The following SYT17 variants were observed in gnomAD, a reference collection of about 807,000 sequenced individuals.
SYT17 encodes the protein synaptotagmin-17.
Under a neutral mutation model 46.7 loss-of-function variants are expected in SYT17, and 22 were observed. That is an observed-to-expected ratio of 0.47 (90% confidence interval 0.34 to 0.67). SYT17 has a LOEUF of 0.67. Ranked by LOEUF, SYT17 falls within the 30% of genes least tolerant of loss-of-function variation. The pLI is 0.01. For missense variants in SYT17, 519 were observed against 612.8 expected, an observed-to-expected ratio of 0.85 and a Z score of 1.62; for synonymous variants, 251 against 248.4, an observed-to-expected ratio of 1.01 and a Z score of -0.10.
At position 19,214,573 on chromosome 16, in the gene SYT17, C is replaced by A. The variant is rs111977275; in HGVS notation, c.952-8472C>A. ...TGAGAAGATGCTGGCTCCAGGAACA[C>A]CCCAGGGACATTTTTGTCCCTAGAT... On this transcript the variant is annotated intron_variant, in intron 5 of 7. Transcript: ENST00000355377. Among the ~76,000 whole-genome samples, 22 of 152,222 alleles carry A rather than the reference C, an allele frequency of 1.4e-4. 1 individual carries two copies. The highest frequency in any genetic ancestry group is 4.8e-4 in the African/African-American group (20 of 41,530).
intron 1 of SYT17, chr16:19,171,325 G>GATGATGATT (rs1366521259): frequency 7.0e-6 from 1 of 142,684 alleles, no homozygotes; most frequent in East Asian, 1.7e-4. Flanking sequence ...TGATGATGAT[G>GATGATGATT]ATTATGATTA....
At position 19,183,724 on chromosome 16, in the gene SYT17, C is replaced by T. The variant is rs200790399; in HGVS notation, c.528C>T (p.Asp176=). ...SNSDDVDSLT[D]EEILSKYQLG... ...GCGACGATGTGGACTCTCTGACAGA[C>T]GAGGAGATCCTGTCCAAGTACCAGC... Residue 176 remains aspartate, a synonymous_variant, in exon 5 of 8, where the codon GAC becomes GAT. Transcript: ENST00000355377. This position sits in a 1 kb window ranked among gnomAD's most constrained non-coding sequence, Gnocchi z 5.6. The T allele has an allele frequency of 2.7e-5, 44 of 1,614,212 alleles. No individual in the cohort carries two copies. The highest frequency in any genetic ancestry group is 1.8e-4 in the South Asian group (16 of 91,076).
At chr16:19,169,128 C>T (rs1963984382) in intron 1 of SYT17, among the ~76,000 whole-genome samples, 1 of 152,022 alleles carries the variant, frequency 6.6e-6, no homozygotes, top group South Asian at 2.1e-4. Flanking sequence ...CGTCGTCTCT[C>T]CTGGGCACTG....
intron 7 of SYT17, among the ~76,000 whole-genome samples, chr16:19,235,182 G>A (rs1194119767): frequency 6.6e-6 from 1 of 152,154 alleles, no homozygotes; most frequent in Non-Finnish European, 1.5e-5. Context: ...GTATTATAAA[G>A]GGGAAGAACT....
chr16:19,202,391 C>G (rs897046615), intron 5 of SYT17, among the ~76,000 whole-genome samples: 1 of 152,220 alleles, frequency 6.6e-6, no homozygotes, highest in Non-Finnish European at 1.5e-5. Flanking sequence ...ATGCATAGGG[C>G]AAGGCATGAG....
intron 7 of SYT17, among the ~76,000 whole-genome samples, chr16:19,230,507 A>C (rs1038410861): frequency 7.2e-5 from 11 of 152,140 alleles, no homozygotes; most frequent in African/African-American, 2.7e-4. Context: ...GGTTACTTTT[A>C]TGTTACACGT....
At chr16:19,192,310 A>C (rs1301436195) in intron 5 of SYT17, among the ~76,000 whole-genome samples, 1 of 151,780 alleles carries the variant, frequency 6.6e-6, no homozygotes, top group Non-Finnish European at 1.5e-5. Flanking sequence ...AGTCCTGGCT[A>C]CTCGGGAAGC....
chr16:19,227,627 C>G (rs1412542114), intron 7 of SYT17, among the ~76,000 whole-genome samples: 2 of 152,138 alleles, frequency 1.3e-5, no homozygotes, highest in Non-Finnish European at 2.9e-5. Flanking sequence ...TAATGTCTTC[C>G]TTTAATGCCT....
chr16:19,223,933 AT>A (rs202000405), intron 6 of SYT17, among the ~76,000 whole-genome samples: 2,267 of 152,316 alleles, frequency 0.015, 31 homozygotes, highest in Non-Finnish European at 0.021. Flanking sequence ...GAGTCAAATG[AT>A]GTGGCTTACA....
chr16:19,258,715 T>C (rs569786661), intron 7 of SYT17, among the ~76,000 whole-genome samples: 30 of 152,210 alleles, frequency 2.0e-4, no homozygotes, highest in African/African-American at 7.2e-4. Context: ...TGTGAGATGA[T>C]AGGAGCTACC....
chr16:19,168,785 G>C lies in SYT17; in HGVS notation c.15+124G>C. On this transcript the variant is annotated intron_variant, in intron 1 of 7. Transcript: ENST00000355377. This position sits in a 1 kb window ranked among gnomAD's most constrained non-coding sequence, Gnocchi z 6.9. Reference sequence around the variant, plus strand: ...CCCACAAACTTGCTTCGAGAAAAAGGGTGCCCGTGCGCGGGCAACCTGTGC... The same window carrying C: ...CCCACAAACTTGCTTCGAGAAAAAGCGTGCCCGTGCGCGGGCAACCTGTGC... 3.9e-6 allele frequency: 5 copies of C among 1,276,916 alleles called. No individual in the cohort carries two copies. Among genetic ancestry groups the C allele is most frequent in the Non-Finnish European group, 5.2e-6 (5 of 960,268 alleles). The allele number at this position is 1,276,916 out of a possible 1,614,324, so 79.1% of individuals were successfully genotyped here. A position where few individuals can be genotyped will look rare whatever the true frequency, so the allele number is the denominator to read the frequency against.
chr16:19,249,140 G>A (rs186637909), intron 7 of SYT17, among the ~76,000 whole-genome samples: 13 of 152,080 alleles, frequency 8.5e-5, no homozygotes, highest in African/African-American at 3.1e-4. Context: ...CAGGCGTGGT[G>A]GCAGGCGACT....
intron 5 of SYT17, among the ~76,000 whole-genome samples, chr16:19,217,146 T>C (rs1321711859): frequency 6.6e-6 from 1 of 152,238 alleles, no homozygotes; most frequent in Non-Finnish European, 1.5e-5. Context: ...GATGAGCTTT[T>C]TTCCATATGT....
Position 19,172,797 on chromosome 16 carries a change from TG to T in SYT17, c.33+21del, listed in dbSNP as rs767399729. 1.4e-5 allele frequency: 23 copies of T among 1,613,938 alleles called. No homozygotes were observed. The highest frequency in any genetic ancestry group is 1.3e-4 in the Admixed American group (8 of 59,966). On this transcript the variant is annotated intron_variant, in intron 2 of 7. Coordinates refer to ENST00000355377, the MANE Select transcript of SYT17 (RefSeq NM_016524.4). The stretch of plus-strand genomic sequence containing the variant: ...AACGAGGTGGGTTCATTTGATGATT[TG>T]TTTGGTCTGGTTTCTAATCAAGAAA...
At chr16:19,250,555 T>C (rs1001045187) in intron 7 of SYT17, among the ~76,000 whole-genome samples, 4 of 152,082 alleles carry the variant, frequency 2.6e-5, no homozygotes, top group African/African-American at 4.8e-5. Context: ...TTTTAAATCT[T>C]TTTTGTAAAG....
intron 3 of SYT17, among the ~76,000 whole-genome samples, chr16:19,177,845 G>T (rs535705384): frequency 1.1e-3 from 161 of 152,338 alleles, no homozygotes; most frequent in African/African-American, 3.7e-3. Flanking sequence ...TTGGTTGATT[G>T]TTTGTCGAAC....
intron 2 of SYT17, 23 bp from the exon 3 acceptor site, chr16:19,173,407 C>T (rs915535074): frequency 2.2e-6 from 3 of 1,344,256 alleles, no homozygotes; most frequent in East Asian, 2.6e-5. Context: ...CATCCCCCCG[C>T]CCACCTCCCC....
intron 7 of SYT17, among the ~76,000 whole-genome samples, chr16:19,236,544 C>A (rs1966850624): frequency 1.3e-5 from 2 of 152,100 alleles, no homozygotes; most frequent in African/African-American, 4.8e-5. Context: ...CCCCTGTGAC[C>A]TCCCTCAGGT....
intron 5 of SYT17, among the ~76,000 whole-genome samples, chr16:19,202,652 C>G (rs1360209588): frequency 6.6e-6 from 1 of 152,188 alleles, no homozygotes; most frequent in Non-Finnish European, 1.5e-5. Context: ...TTTGATCTTT[C>G]TGAAGACCAG....
Sources: allele counts gnomAD v4.1 joint callset (sites outside exome capture counted in the v4.1 genomes callset), GRCh38; gene constraint gnomAD v4.1.1; non-coding constraint Gnocchi (gnomAD v3.1); transcripts MANE v1.5; gene names NCBI Gene and HGNC (gene_info 2026-07-23, HGNC 2026-07-21).